Variants in RPL23 observed in about 807,000 individuals in gnomAD.
RPL23 encodes the protein large ribosomal subunit protein uL14.
For missense variants in RPL23, 79 were observed against 178.8 expected (o/e 0.44, Z 3.18); for synonymous variants, 63 against 65.3 (o/e 0.97, Z 0.17).
intron 3 of RPL23, chr17:38,851,993 ATTT>A (rs931163916): frequency 1.2e-4 from 18 of 152,216 alleles, no homozygotes; most frequent in African/African-American, 3.4e-4. Flanking sequence ...AGCTGCAAGT[ATTT>A]TGAGGCCTCC....
rs1369787237 is a variant in RPL23 at position 38,848,012 on chromosome 17, A to C, written c.*2120T>G. ...AGTCCAGCAGTTCAAAGTTACAGTGAGCTTCAGTGGTGTTACTGCACTCCA... is the reference window on the plus strand; with the variant it reads ...AGTCCAGCAGTTCAAAGTTACAGTGCGCTTCAGTGGTGTTACTGCACTCCA... On this transcript the variant is annotated 3_prime_UTR_variant, in exon 5 of 5. Coordinates refer to ENST00000479035, the MANE Select transcript of RPL23 (RefSeq NM_000978.4). The C allele has an allele frequency of 3.5e-5, 54 of 1,550,108 alleles. No individual in the cohort carries two copies. Among genetic ancestry groups the C allele is most frequent in the East Asian group, 4.9e-5 (2 of 40,908 alleles).
chr17:38,853,417 G>A, intron 1 of RPL23: 1 of 715,190 alleles, frequency 1.4e-6, no homozygotes, highest in Non-Finnish European at 2.6e-6. Flanking sequence ...CGCAAACCAG[G>A]GCCTAATCCA....
chr17:38,853,156 A>T (rs755564906), intron 1 of RPL23, 51 bp from the exon 2 acceptor site: 1 of 1,448,706 alleles, frequency 6.9e-7, no homozygotes, highest in Admixed American at 1.7e-5. Context: ...CAATCTAGAC[A>T]TGGTTCGGAG....
intron 2 of RPL23, 46 bp downstream of exon 2, chr17:38,852,976 T>A (rs763414359): frequency 6.4e-7 from 1 of 1,555,758 alleles, no homozygotes; most frequent in Non-Finnish European, 8.9e-7. Context: ...ACAGGCCCAT[T>A]GAGTGCTTTT....
intron 3 of RPL23, chr17:38,851,430 G>A (rs113411156): frequency 5.3e-5 from 8 of 152,246 alleles, no homozygotes; most frequent in African/African-American, 1.7e-4. Context: ...AAGGGGAGGG[G>A]ATGTATTCAT....
rs751328610 is a variant in RPL23, at chr17:38,853,039, T to C, written c.80A>G (p.Asn27Ser). The C allele has an allele frequency of 1.2e-5, 20 of 1,614,134 alleles. No individual in the cohort carries two copies. The highest frequency in any genetic ancestry group is 5.3e-5 in the African/African-American group (4 of 75,040). Residue 27 changes from asparagine (N) to serine (S), a missense_variant, in exon 2 of 5, where the codon AAT (asparagine) becomes AGT (serine). By Grantham distance (46) the Asn-to-Ser change is conservative (BLOSUM62 1). Coordinates refer to ENST00000479035, the MANE Select transcript of RPL23 (RefSeq NM_000978.4). ...GACCTCACCTGTGTTGTCAGCACAA[T>C]TGATTACAGCTCCTACCGGAAGACC... is the stretch of plus-strand genomic sequence containing the variant. ...SLGLPVGAVI[N>S]CADNTGAKNL... is the part of the protein sequence containing the mutation.
chr17:38,850,968 C>A (rs1053852924), intron 3 of RPL23: 1 of 152,780 alleles, frequency 6.5e-6, no homozygotes, highest in African/African-American at 2.4e-5. Flanking sequence ...AGAGACCAAG[C>A]TATTCAGATT....
chr17:38,853,188 T>C (rs976275089), intron 1 of RPL23, 83 bp from the exon 2 acceptor site: 1 of 1,031,592 alleles, frequency 9.7e-7, no homozygotes. Context: ...ACTCAAGCTG[T>C]AATTCACCGC....
In RPL23 at chr17:38,848,139, A is replaced by T; in HGVS notation, c.*1993T>A. ...GATCATATATTGCCATAATATATAA[A>T]GACATAAATGGTGGGCCTAGGGGCT... On this transcript the variant is annotated 3_prime_UTR_variant, in exon 5 of 5. Transcript: ENST00000479035. 7.3e-7 allele frequency: 1 copy of T among 1,378,728 alleles called. No individual in the cohort carries two copies. The highest frequency in any genetic ancestry group is 1.7e-5 in the South Asian group (1 of 60,314). 85.4% of individuals were successfully genotyped at this position (1,378,728 alleles called of 1,614,324 possible).
intron 4 of RPL23, 39 bp downstream of exon 4, chr17:38,850,323 C>A (rs1189247339): frequency 6.3e-7 from 1 of 1,585,574 alleles, no homozygotes; most frequent in Non-Finnish European, 8.7e-7. Flanking sequence ...ATCCACCCAA[C>A]CTCAGAGACC....
chr17:38,853,268 AC>A (rs1913058432), intron 1 of RPL23, 163 bp from the exon 2 acceptor site: 1 of 664,616 alleles, frequency 1.5e-6, no homozygotes, highest in East Asian at 2.7e-5. Flanking sequence ...CCCATGTGCC[AC>A]CCGATTCTCA....
At chr17:38,852,461 T>A (rs1004963868) in intron 3 of RPL23, 143 bp downstream of exon 3, 3 of 1,007,992 alleles carry the variant, frequency 3.0e-6, no homozygotes, top group Non-Finnish European at 4.4e-6. Context: ...CAACACAATA[T>A]GAGCAAAAAC....
At chr17:38,852,568 C>A (rs755112716) in intron 3 of RPL23, 36 bp downstream of exon 3, 1 of 1,610,462 alleles carries the variant, frequency 6.2e-7, no homozygotes, top group South Asian at 1.1e-5. Flanking sequence ...CCCCCCACTA[C>A]TCATCAGTAT....
rs1235988704 is a variant in RPL23 at position 38,848,874 on chromosome 17, A to C, written c.*1258T>G. 1 of 152,088 alleles carries C rather than the reference A, an allele frequency of 6.6e-6. No individual in the cohort carries two copies. The highest frequency in any genetic ancestry group is 1.5e-5 in the Non-Finnish European group (1 of 68,032). 9.4% of individuals were successfully genotyped at this position (152,088 alleles called of 1,614,324 possible). On this transcript the variant is annotated 3_prime_UTR_variant, in exon 5 of 5. Transcript: ENST00000479035. ...ATACAGATACATAAACACAAACCTT[A>C]ATCTAAAAACCCTGTTTAGTCCACT...
At position 38,853,567 on chromosome 17, in the gene RPL23, G is replaced by A. The variant is rs962194481; in HGVS notation, c.13+131C>T. 3.6e-6 allele frequency: 4 copies of A among 1,114,036 alleles called. No individual in the cohort carries two copies. The African/African-American group carries it at 4.6e-5, about 13-fold the overall frequency. 69.0% of individuals were successfully genotyped at this position (1,114,036 alleles called of 1,614,324 possible). ...TCGAGGGCCCTGGCAGTGCTCTCGC[G>A]GTGGCCTGGCTCTCTCTCTCCGGCC... On this transcript the variant is annotated intron_variant, in intron 1 of 4. Transcript: ENST00000479035.
Position 38,853,694 on chromosome 17 carries a change from T to C in RPL23, c.13+4A>G. 6.2e-7 allele frequency: 1 copy of C among 1,613,758 alleles called. No individual in the cohort carries two copies. The highest frequency in any genetic ancestry group is 8.5e-7 in the Non-Finnish European group (1 of 1,179,958). The stretch of plus-strand genomic sequence containing the variant: ...TGGAGGATCCTCCAGAAACAAAACC[T>C]CACCTCGCTTCGACATCTTGAACGC... On this transcript the variant is annotated splice_donor_region_variant and intron_variant, in intron 1 of 4. Coordinates refer to ENST00000479035, the MANE Select transcript of RPL23 (RefSeq NM_000978.4).
chr17:38,852,642 G>A lies in RPL23; in HGVS notation c.188C>T (p.Ala63Val). Residue 63 changes from alanine to valine, a missense_variant, in exon 3 of 5, where the codon GCC becomes GTC. Physicochemically the swap from Ala to Val is moderately conservative, Grantham distance 64. Coordinates refer to ENST00000479035, the MANE Select transcript of RPL23 (RefSeq NM_000978.4). ...CTCTGGTTTGCCTTTCTTGACTGTG[G>A]CCATCACCATGTCACCCACACCAGC... Reference protein sequence around the residue: ...PAAGVGDMVMATVKKGKPELR... With the variant: ...PAAGVGDMVMVTVKKGKPELR... 6.2e-7 allele frequency: 1 copy of A among 1,612,828 alleles called. No individual in the cohort carries two copies. The highest frequency in any genetic ancestry group is 8.5e-7 in the Non-Finnish European group (1 of 1,180,022).
Position 38,850,087 on chromosome 17 carries a change from A to G in RPL23, c.*45T>C. ...AAGCACTGCAAACAAATACTTTTTAATGGGTTTAGTTTTTTTTTTTATTTT... is the reference window on the plus strand; with the variant it reads ...AAGCACTGCAAACAAATACTTTTTAGTGGGTTTAGTTTTTTTTTTTATTTT... On this transcript the variant is annotated 3_prime_UTR_variant, in exon 5 of 5. Transcript: ENST00000479035. 1 of 1,388,534 alleles carries G rather than the reference A, an allele frequency of 7.2e-7. No homozygotes were observed. The highest frequency in any genetic ancestry group is 9.8e-7 in the Non-Finnish European group (1 of 1,025,152). 86.0% of individuals were successfully genotyped at this position (1,388,534 alleles called of 1,614,324 possible).
Position 38,850,470 on chromosome 17 carries a change from G to A in RPL23, c.232C>T (p.Pro78Ser), listed in dbSNP as rs756599214. Residue 78 changes from proline to serine, a missense_variant, in exon 4 of 5, where the codon CCA becomes TCA. Coordinates refer to ENST00000479035, the MANE Select transcript of RPL23 (RefSeq NM_000978.4). ...GKPELRKKVH[P>S]AVVIRQRKSY... The stretch of plus-strand genomic sequence containing the variant: ...TTTCGTTGTCGAATGACCACTGCTG[G>A]ATGTACTGAGAGAAGAAAAAAGGAC... 1 of 1,609,882 alleles carries A rather than the reference G, an allele frequency of 6.2e-7. No homozygotes were observed.
Sources: allele counts gnomAD v4.1 joint callset, GRCh38; gene constraint gnomAD v4.1.1; transcripts MANE v1.5; gene names NCBI Gene and HGNC (gene_info 2026-07-23, HGNC 2026-07-21).